Variants in RAB3C observed in about 807,000 individuals in gnomAD.
RAB3C encodes the protein RAB3C, member RAS oncogene family.
A neutral mutation model predicts 26.4 loss-of-function variants in RAB3C; 17 were observed. That is an observed-to-expected ratio of 0.64 (90% confidence interval 0.44 to 0.97). RAB3C has a LOEUF of 0.97. Ranked by LOEUF, RAB3C falls within the 50% of genes least tolerant of loss-of-function variation. The pLI is 0.00. For synonymous variants in RAB3C, 91 were observed against 95.9 expected (o/e 0.95, Z 0.30); for missense variants, 242 against 281.9 (o/e 0.86, Z 1.01).
chr5:58,815,657 G>A (rs1016920832), intron 3 of RAB3C: 9 of 152,178 alleles, frequency 5.9e-5, no homozygotes, highest in Non-Finnish European at 8.8e-5. Flanking sequence ...TATATTCTGA[G>A]TCAGGCATTT....
chr5:58,672,055 A>T (rs1210856987), intron 2 of RAB3C, among the ~76,000 whole-genome samples: 1 of 152,220 alleles, frequency 6.6e-6, no homozygotes, highest in Non-Finnish European at 1.5e-5. Context: ...CCAGAATTTT[A>T]TAGTAAATAT....
At chr5:58,756,960 G>C (rs890773674) in intron 3 of RAB3C, among the ~76,000 whole-genome samples, 4 of 152,254 alleles carry the variant, frequency 2.6e-5, no homozygotes, top group Non-Finnish European at 4.4e-5. Context: ...TATATACCCA[G>C]TAATGGGATT....
At chr5:58,749,730 G>A (rs1056285891) in intron 3 of RAB3C, among the ~76,000 whole-genome samples, 2 of 152,086 alleles carry the variant, frequency 1.3e-5, no homozygotes, top group Non-Finnish European at 2.9e-5. Flanking sequence ...ACTTTCCATT[G>A]TTTCAGCCTT....
At chr5:58,678,874 G>A (rs954289466) in intron 2 of RAB3C, among the ~76,000 whole-genome samples, 6 of 152,138 alleles carry the variant, frequency 3.9e-5, no homozygotes, top group African/African-American at 1.4e-4. Flanking sequence ...TTTGCTGGAT[G>A]TAGGGTATAA....
intron 2 of RAB3C, among the ~76,000 whole-genome samples, chr5:58,632,832 C>T (rs1747213756): frequency 2.0e-5 from 3 of 152,188 alleles, no homozygotes; most frequent in Non-Finnish European, 4.4e-5. Flanking sequence ...AATACAGTCC[C>T]ACTTCTGTCT....
At chr5:58,679,749 T>C (rs1748308407) in intron 2 of RAB3C, among the ~76,000 whole-genome samples, 2 of 152,230 alleles carry the variant, frequency 1.3e-5, no homozygotes, top group African/African-American at 4.8e-5. Flanking sequence ...GATTCAAAAA[T>C]CTGAATCAGA....
chr5:58,604,715 G>A (rs1188769510), intron 1 of RAB3C, among the ~76,000 whole-genome samples: 2 of 152,114 alleles, frequency 1.3e-5, no homozygotes, highest in East Asian at 3.9e-4. Context: ...TTGAAAACTT[G>A]CCCGAGGCTG....
chr5:58,831,608 G>T (rs1743614727), intron 4 of RAB3C, among the ~76,000 whole-genome samples: 1 of 152,020 alleles, frequency 6.6e-6, no homozygotes, highest in African/African-American at 2.4e-5. Context: ...ACTACTTAAG[G>T]CGGTTCTCAT....
At chr5:58,742,597 T>C (rs1045845629) in intron 3 of RAB3C, among the ~76,000 whole-genome samples, 3 of 152,232 alleles carry the variant, frequency 2.0e-5, no homozygotes, top group African/African-American at 7.2e-5. Context: ...CTAAGCAACT[T>C]GAAAACATAG....
At position 58,852,705 on chromosome 5, in the gene RAB3C, T is replaced by C. The variant is rs1744139116; in HGVS notation, c.*1354T>C. On this transcript the variant is annotated 3_prime_UTR_variant, in exon 5 of 5. Coordinates refer to ENST00000282878, the MANE Select transcript of RAB3C (RefSeq NM_138453.4). ...AGAGAAAACAACAAATCCTACCAGCTGTACAGAGAGCAACAGGGAAATTTG... is the reference window on the plus strand; with the variant it reads ...AGAGAAAACAACAAATCCTACCAGCCGTACAGAGAGCAACAGGGAAATTTG... 6.6e-6 allele frequency: 1 copy of C among 152,192 alleles called. No individual in the cohort carries two copies. Among genetic ancestry groups the C allele is most frequent in the Admixed American group, 6.5e-5 (1 of 15,276 alleles). The allele number at this position is 152,192 out of a possible 1,614,324, so 9.4% of individuals were successfully genotyped here. A position where few individuals can be genotyped will look rare whatever the true frequency, so the allele number is the denominator to read the frequency against.
rs570135114 is a variant in RAB3C, at chr5:58,855,459, C to T, written c.*4108C>T. On this transcript the variant is annotated 3_prime_UTR_variant, in exon 5 of 5. Transcript: ENST00000282878. Reference sequence around the variant, plus strand: ...CATGACTAGAACCCGGAACTCTGTTCCTTTGCGTGTATAGTCACTTAGTGT... The same window carrying T: ...CATGACTAGAACCCGGAACTCTGTTTCTTTGCGTGTATAGTCACTTAGTGT... 3.4e-4 allele frequency: 52 copies of T among 152,320 alleles called. No homozygotes were observed. Among genetic ancestry groups the T allele is most frequent in the African/African-American group, 1.2e-3 (51 of 41,574 alleles). 9.4% of individuals were successfully genotyped at this position (152,320 alleles called of 1,614,324 possible). A position where few individuals can be genotyped will look rare whatever the true frequency, so the allele number is the denominator to read the frequency against.
chr5:58,726,666 A>G (rs1027798013), intron 3 of RAB3C, among the ~76,000 whole-genome samples: 2 of 152,156 alleles, frequency 1.3e-5, no homozygotes, highest in Middle Eastern at 6.8e-3. Context: ...CCCCTTATCC[A>G]AAAGATTTGT....
At chr5:58,832,531 C>T (rs1434314211) in intron 4 of RAB3C, among the ~76,000 whole-genome samples, 1 of 152,082 alleles carries the variant, frequency 6.6e-6, no homozygotes, top group African/African-American at 2.4e-5. Context: ...ACAATAAGAC[C>T]AAATTTCTGT....
At chr5:58,839,332 G>A (rs1743822877) in intron 4 of RAB3C, among the ~76,000 whole-genome samples, 1 of 142,388 alleles carries the variant, frequency 7.0e-6, no homozygotes, top group Non-Finnish European at 1.5e-5. Context: ...GTCCCTATCT[G>A]TAATGATAAG....
chr5:58,648,582 A>C (rs557201226), intron 2 of RAB3C, among the ~76,000 whole-genome samples: 1 of 152,332 alleles, frequency 6.6e-6, no homozygotes, highest in Non-Finnish European at 1.5e-5. Context: ...CAAGATCTGG[A>C]AACTTGTTTC....
At chr5:58,625,440 G>A (rs188832742) in intron 2 of RAB3C, among the ~76,000 whole-genome samples, 88 of 152,192 alleles carry the variant, frequency 5.8e-4, no homozygotes, top group African/African-American at 2.0e-3. Context: ...GAATACATAA[G>A]GTAAAATGGA....
chr5:58,790,628 C>T (rs1474262421), intron 3 of RAB3C, among the ~76,000 whole-genome samples: 1 of 152,082 alleles, frequency 6.6e-6, no homozygotes, highest in African/African-American at 2.4e-5. Flanking sequence ...CAAACAAGGA[C>T]CACTAGAGCC....
At chr5:58,638,738 G>A (rs551539527) in intron 2 of RAB3C, among the ~76,000 whole-genome samples, 3 of 152,316 alleles carry the variant, frequency 2.0e-5, no homozygotes, top group South Asian at 2.1e-4. Flanking sequence ...TATGCAAGCT[G>A]TATATGGATC....
Position 58,665,664 on chromosome 5 carries a change from A to G in RAB3C, c.252+47794A>G, listed in dbSNP as rs549481128. ...TCCTTGATGGACACTTGTTTTGGAA[A>G]AAATCATCTTCTCAATGCAAATCCT... On this transcript the variant is annotated intron_variant, in intron 2 of 4. Transcript: ENST00000282878. 2.6e-5 allele frequency among the ~76,000 whole-genome samples: 4 copies of G among 152,268 alleles called. No individual in the cohort carries two copies. In the East Asian group the frequency reaches 5.8e-4, roughly 22 times the overall value.
Sources: allele counts gnomAD v4.1 joint callset (sites outside exome capture counted in the v4.1 genomes callset), GRCh38; gene constraint gnomAD v4.1.1; transcripts MANE v1.5; gene names NCBI Gene and HGNC (gene_info 2026-07-23, HGNC 2026-07-21).